Variants in TENM1 observed in about 807,000 individuals in gnomAD.
The protein encoded by TENM1 is teneurin transmembrane protein 1.
In TENM1, 35 loss-of-function variants were observed where a neutral mutation model predicts 174.8. That is an observed-to-expected ratio of 0.20 (90% CI 0.15 to 0.27). TENM1 has a LOEUF of 0.27. Ranked by LOEUF, TENM1 falls within the 10% of genes least tolerant of loss-of-function variation. The pLI is 1.00. For missense variants in TENM1, 1,633 were observed against 2,130.1 expected (o/e 0.77, Z 4.59); for synonymous variants, 781 against 798.7 (o/e 0.98, Z 0.37).
chrX:124,984,240 C>T, the TENM1 span, among the ~76,000 whole-genome samples: 1 of 111,913 alleles, frequency 8.9e-6, no homozygotes. Flanking sequence ...TTTATTACCA[C>T]TCCAAATCTA....
At chrX:125,202,343 T>C in the TENM1 span, among the ~76,000 whole-genome samples, 1 of 112,190 alleles carries the variant, frequency 8.9e-6, no homozygotes, top group Admixed American at 9.4e-5. Flanking sequence ...TAAACGCTAA[T>C]CTAACAGTAC....
intron 6 of TENM1, among the ~76,000 whole-genome samples, chrX:124,664,612 G>A (rs1413133031): frequency 1.0e-4 from 10 of 98,631 alleles, no homozygotes; most frequent in Admixed American, 1.0e-3. Context: ...GGTCCACAAT[G>A]AAAGGTGGCT....
intron 5 of TENM1, among the ~76,000 whole-genome samples, chrX:124,701,643 C>T (rs3788780): frequency 0.21 from 22,929 of 111,541 alleles, 2,989 homozygotes; most frequent in African/African-American, 0.49. Context: ...TACAGATTTA[C>T]GAGGAAGTGA....
chrX:125,120,584 G>A, the TENM1 span, among the ~76,000 whole-genome samples: 1 of 110,700 alleles, frequency 9.0e-6, no homozygotes, highest in Non-Finnish European at 1.9e-5. Flanking sequence ...ATGTTAGCAT[G>A]TTATGTGATC....
intron 11 of TENM1, among the ~76,000 whole-genome samples, chrX:124,619,267 T>C: frequency 8.9e-6 from 1 of 111,976 alleles, no homozygotes; most frequent in East Asian, 2.8e-4. Flanking sequence ...TTTTCTGTAC[T>C]TTTTAATACA....
chrX:124,978,175 A>T, the TENM1 span, among the ~76,000 whole-genome samples: 2 of 106,039 alleles, frequency 1.9e-5, no homozygotes, highest in Non-Finnish European at 3.8e-5. Context: ...TAGAATTTCC[A>T]GTTAAGTCTT....
At chrX:125,139,591 G>C in the TENM1 span, among the ~76,000 whole-genome samples, 7 of 110,700 alleles carry the variant, frequency 6.3e-5, no homozygotes, top group East Asian at 2.0e-3. Context: ...AGATGGCTAG[G>C]GAGTCCCAAA....
chrX:125,050,127 C>T, the TENM1 span, among the ~76,000 whole-genome samples: 7 of 108,722 alleles, frequency 6.4e-5, no homozygotes, highest in Non-Finnish European at 1.3e-4. Flanking sequence ...CTCTAGAACC[C>T]GACTGCTGGA....
chrX:124,613,111 C>T (rs750684226), intron 11 of TENM1, among the ~76,000 whole-genome samples: 1 of 111,588 alleles, frequency 9.0e-6, no homozygotes, highest in East Asian at 2.8e-4. Flanking sequence ...GTGAGAGGTA[C>T]TATTTGAAAT....
chrX:125,022,089 G>T, the TENM1 span, among the ~76,000 whole-genome samples: 1 of 112,185 alleles, frequency 8.9e-6, no homozygotes, highest in Non-Finnish European at 1.9e-5. Flanking sequence ...AATGAATGTT[G>T]CTAACTCCTT....
chrX:124,627,935 T>C (rs1389070924), intron 11 of TENM1, among the ~76,000 whole-genome samples: 4 of 111,928 alleles, frequency 3.6e-5, no homozygotes, highest in Non-Finnish European at 7.5e-5. Context: ...TCGTTAGGTA[T>C]TTAATTATTC....
chrX:125,061,950 G>T, the TENM1 span, among the ~76,000 whole-genome samples: 15 of 112,054 alleles, frequency 1.3e-4, no homozygotes, highest in Admixed American at 1.2e-3. Context: ...CAATCCTTCA[G>T]TGTCTAACCT....
At chrX:124,653,612 C>T (rs765267689) in exon 7 of TENM1, 5 of 1,210,338 alleles carry the variant, frequency 4.1e-6, no homozygotes, top group Non-Finnish European at 4.5e-6. Flanking sequence ...AATGTTTCTT[C>T]TGCCATAAAT....
At chrX:124,870,442 G>A (rs1027742466) in intron 3 of TENM1, among the ~76,000 whole-genome samples, 3 of 111,752 alleles carry the variant, frequency 2.7e-5, no homozygotes, top group Admixed American at 9.5e-5. Context: ...AGACAAGGTA[G>A]AGCAGGGTAA....
chrX:124,705,911 T>G (rs982624227), intron 4 of TENM1, among the ~76,000 whole-genome samples: 7 of 111,420 alleles, frequency 6.3e-5, no homozygotes, highest in South Asian at 7.6e-4. Flanking sequence ...TGTTTGTTTG[T>G]TTGGTTTTGT....
intron 11 of TENM1, among the ~76,000 whole-genome samples, chrX:124,593,502 C>A (rs749390506): frequency 9.0e-6 from 1 of 111,333 alleles, no homozygotes; most frequent in South Asian, 3.8e-4. Context: ...GGTGAGGCGG[C>A]TCAGGCTGCT....
At chrX:125,067,284 T>C in the TENM1 span, among the ~76,000 whole-genome samples, 1 of 111,236 alleles carries the variant, frequency 9.0e-6, no homozygotes, top group African/African-American at 3.3e-5. Flanking sequence ...AATCCAATCT[T>C]ATCAAAAATC....
chrX:124,744,177 G>T (rs745820377), intron 3 of TENM1, among the ~76,000 whole-genome samples: 2 of 111,844 alleles, frequency 1.8e-5, no homozygotes, highest in South Asian at 7.4e-4. Flanking sequence ...AAAAGATAAG[G>T]CTGTGGTAAA....
intron 1 of TENM1, among the ~76,000 whole-genome samples, chrX:124,952,874 A>G (rs1212519748): frequency 1.8e-5 from 2 of 111,851 alleles, no homozygotes; most frequent in Non-Finnish European, 3.8e-5. Flanking sequence ...CTGGCACCAA[A>G]ATAGCACTGC....
Sources: gnomAD v4.1 joint callset for allele counts (sites outside exome capture counted in the v4.1 genomes callset) on GRCh38, gnomAD v4.1.1 for gene constraint, MANE v1.5 for transcripts, NCBI Gene and HGNC (gene_info 2026-07-23, HGNC 2026-07-21) for gene names.